The following ADAM33 variants were observed in gnomAD, a reference collection of about 807,000 sequenced individuals.
ADAM33 encodes the protein ADAM metallopeptidase domain 33.
ADAM33 carries 103 observed loss-of-function variants against 106.2 expected under a neutral mutation model. The ratio of observed to expected loss-of-function variants is 0.97; its 90% CI spans 0.83 to 1.14. The LOEUF is 1.14. Among genes scored for constraint, ADAM33 ranks in the 50% most tolerant of loss-of-function variants. The pLI is 0.00. For missense variants in ADAM33, 1,120 were observed against 1,096.6 expected (o/e 1.02, Z -0.30); for synonymous variants, 483 against 453.0 (o/e 1.07, Z -0.84).
Position 3,673,356 on chromosome 20 carries a change from G to C in ADAM33, c.1131C>G (p.Thr377=). The stretch of plus-strand genomic sequence containing the variant: ...GCCCCGACCCCCCACCCGCGTACCC[G>C]GTGGCCGCAGCCATGACGCAGCCTC... ...ESGGCVMAAA[T]GHPFPRVFSA... The change falls in exon 11 of 22, where the codon ACC becomes ACG. Residue 377 remains threonine, a splice_region_variant and synonymous_variant. Coordinates refer to ENST00000356518, the MANE Select transcript of ADAM33 (RefSeq NM_025220.5). The C allele has an allele frequency of 6.5e-7, 1 of 1,538,710 alleles. No individual in the cohort carries two copies. The highest frequency in any genetic ancestry group is 8.7e-7 in the Non-Finnish European group (1 of 1,148,720).
chr20:3,680,950 C>T (rs548109613), intron 1 of ADAM33, among the ~76,000 whole-genome samples: 44 of 152,230 alleles, frequency 2.9e-4, no homozygotes, highest in South Asian at 1.7e-3. Context: ...GGCACATAGA[C>T]GCCCCTCTCC....
chr20:3,668,881 G>A lies in ADAM33; in HGVS notation c.*82C>T. On this transcript the variant is annotated 3_prime_UTR_variant, in exon 22 of 22. Transcript: ENST00000356518. ...GTGCTGGAGGTCCGGTGATTCACTG[G>A]CTCTGCCCCTGCAGTTCAAGTTCCT... The A allele has an allele frequency of 6.6e-7, 1 of 1,510,556 alleles. No individual in the cohort carries two copies. The highest frequency in any genetic ancestry group is 9.2e-7 in the Non-Finnish European group (1 of 1,088,130). 93.6% of individuals were successfully genotyped at this position (1,510,556 alleles called of 1,614,324 possible).
intron 3 of ADAM33, among the ~76,000 whole-genome samples, chr20:3,676,747 G>A (rs949696844): frequency 6.6e-6 from 1 of 152,118 alleles, no homozygotes; most frequent in Non-Finnish European, 1.5e-5. Flanking sequence ...TGGGGTGCCG[G>A]CTCATCTTTT....
intron 1 of ADAM33, 104 bp downstream of exon 1, chr20:3,681,804 G>GT: frequency 6.9e-7 from 1 of 1,442,672 alleles, no homozygotes; most frequent in Non-Finnish European, 9.1e-7. Context: ...TGCCGGGGCC[G>GT]TGAGACCCTC....
In ADAM33 at chr20:3,672,303, G is replaced by A; in HGVS notation, c.1428C>T (p.Arg476=). ...CLLKPAGALC[R]QAMGDCDLPE... ...GGAGGTCACAGTCACCCATGGCCTG[G>A]CGGCACAGCGCTCCAGCCGGCTTCA... Residue 476 remains arginine (R), a synonymous_variant, in exon 14 of 22, where the codon CGC becomes CGT. Coordinates refer to ENST00000356518, the MANE Select transcript of ADAM33 (RefSeq NM_025220.5). 2 of 1,613,026 alleles carry A rather than the reference G, an allele frequency of 1.2e-6. No individual in the cohort carries two copies. Among genetic ancestry groups the A allele is most frequent in the Admixed American group, 1.7e-5 (1 of 60,022 alleles).
intron 9 of ADAM33, 40 bp from the exon 10 acceptor site, chr20:3,673,698 G>A: frequency 2.2e-6 from 3 of 1,363,908 alleles, no homozygotes; most frequent in Non-Finnish European, 1.9e-6. Flanking sequence ...GGGCCGGGAG[G>A]TGAGGCCGCC....
At chr20:3,673,158 A>C in intron 11 of ADAM33, 196 bp downstream of exon 11, 1 of 1,493,028 alleles carries the variant, frequency 6.7e-7, no homozygotes. Flanking sequence ...TACTCGGAAA[A>C]TAATCTTCAT....
At chr20:3,676,541 C>T (rs73608189) in intron 3 of ADAM33, among the ~76,000 whole-genome samples, 3,999 of 151,612 alleles carry the variant, frequency 0.026, 68 homozygotes, top group East Asian at 0.064. Context: ...GGGGTTCAAG[C>T]GATTCTCCCG....
At chr20:3,678,995 C>A (rs1358067027) in intron 2 of ADAM33, among the ~76,000 whole-genome samples, 1 of 152,048 alleles carries the variant, frequency 6.6e-6, no homozygotes, top group Non-Finnish European at 1.5e-5. Flanking sequence ...GACCACTGCC[C>A]CCCCGATACC....
rs761019482 is a variant in ADAM33 at position 3,671,448 on chromosome 20, G to A, written c.1954C>T (p.Arg652Cys). The A allele has an allele frequency of 4.3e-6, 7 of 1,612,394 alleles. No individual in the cohort carries two copies. The highest frequency in any genetic ancestry group is 5.1e-6 in the Non-Finnish European group (6 of 1,179,272). Residue 652 changes from arginine to cysteine, a missense_variant, in exon 17 of 22, where the codon CGC becomes TGC. Coordinates refer to ENST00000356518, the MANE Select transcript of ADAM33 (RefSeq NM_025220.5). ...CRKNAFQELQ[R>C]CLTACHSHGV... The stretch of plus-strand genomic sequence containing the variant: ...TGGCTGTGGCAGGCAGTCAGGCAGC[G>A]CTGAAGCTCCTGGAAGGCATTCTTC...
rs531148852 is a variant in ADAM33, at chr20:3,669,270, G to A, written c.2404+29C>T. ...GGTGGGAGGGTGGGCGATGAGAGGG[G>A]GAGGCTTTGAATCCAGGTCCCTGCC... On this transcript the variant is annotated intron_variant, in intron 21 of 21. Coordinates refer to ENST00000356518, the MANE Select transcript of ADAM33 (RefSeq NM_025220.5). 122 of 1,558,036 alleles carry A rather than the reference G, an allele frequency of 7.8e-5. No individual in the cohort carries two copies. The South Asian group carries it at 1.3e-3, about 17-fold the overall frequency.
intron 19 of ADAM33, chr20:3,670,190 T>C (rs923802009): frequency 3.9e-5 from 7 of 181,700 alleles, no homozygotes; most frequent in Non-Finnish European, 8.1e-5. Flanking sequence ...ACCTTGCTCC[T>C]CTGCCCACAG....
At chr20:3,676,210 C>T (rs2087940845) in intron 3 of ADAM33, among the ~76,000 whole-genome samples, 2 of 148,650 alleles carry the variant, frequency 1.3e-5, no homozygotes, top group Admixed American at 6.6e-5. Flanking sequence ...CACAGGTCTG[C>T]CTGTCCCTTC....
In ADAM33 at chr20:3,672,340, G is replaced by A. The variant is rs1568802007; in HGVS notation, c.1402-11C>T. On this transcript the variant is annotated splice_polypyrimidine_tract_variant and intron_variant, in intron 13 of 21. Transcript: ENST00000356518. Reference sequence around the variant, plus strand: ...TCCAGCCGGCTTCAGCTGCGCAGGTGACGGGTGGTGGGGAAGGCAGAGAGA... The same window carrying A: ...TCCAGCCGGCTTCAGCTGCGCAGGTAACGGGTGGTGGGGAAGGCAGAGAGA... 6.2e-7 allele frequency: 1 copy of A among 1,611,152 alleles called. No individual in the cohort carries two copies. The highest frequency in any genetic ancestry group is 8.5e-7 in the Non-Finnish European group (1 of 1,178,714).
chr20:3,675,215 C>T lies in ADAM33; in HGVS notation c.255-110G>A. 2.5e-6 allele frequency: 2 copies of T among 786,828 alleles called. No individual in the cohort carries two copies. The highest frequency in any genetic ancestry group is 2.6e-5 in the East Asian group (1 of 38,868). The allele number at this position is 786,828 out of a possible 1,614,324, so 48.7% of individuals were successfully genotyped here. ...TAATGGAGCAGCTTTATGAGTGAGACACTCACAGTGTGTCTTAGGGAAGGG... is the reference window on the plus strand; with the variant it reads ...TAATGGAGCAGCTTTATGAGTGAGATACTCACAGTGTGTCTTAGGGAAGGG... On this transcript the variant is annotated intron_variant, in intron 3 of 21. Coordinates refer to ENST00000356518, the MANE Select transcript of ADAM33 (RefSeq NM_025220.5). The surrounding 1 kb of genome is among the most constrained non-coding windows in gnomAD (Gnocchi z 4.1).
Position 3,675,936 on chromosome 20 carries a change from CA to C in ADAM33, c.255-832del, listed in dbSNP as rs1343988594. On this transcript the variant is annotated intron_variant, in intron 3 of 21. Transcript: ENST00000356518. This position sits in a 1 kb window ranked among gnomAD's most constrained non-coding sequence, Gnocchi z 4.1. ...CTACCCCTGCCCCACACACACCCGC[CA>C]CCCTAGGAGGTAGGTGATGTGACCA... 7.9e-5 allele frequency among the ~76,000 whole-genome samples: 12 copies of C among 152,078 alleles called. No homozygotes were observed. The highest frequency in any genetic ancestry group is 5.8e-4 in the East Asian group (3 of 5,178).
chr20:3,669,526 C>T lies in ADAM33; in HGVS notation c.2332+20G>A, dbSNP rs373508804. On this transcript the variant is annotated intron_variant, in intron 20 of 21. Coordinates refer to ENST00000356518, the MANE Select transcript of ADAM33 (RefSeq NM_025220.5). ...TCCCTTCTCCCTTCCCTCTCCACCT[C>T]CCCCTGGTGCCTCACTCACCCAGGG... is the stretch of plus-strand genomic sequence containing the variant. 95 of 1,562,852 alleles carry T rather than the reference C, an allele frequency of 6.1e-5. No homozygotes were observed. The highest frequency in any genetic ancestry group is 7.9e-5 in the Non-Finnish European group (91 of 1,152,438).
intron 11 of ADAM33, 115 bp downstream of exon 11, chr20:3,673,239 T>G (rs73608188): frequency 0.039 from 60,298 of 1,533,814 alleles, 1,464 homozygotes; most frequent in East Asian, 0.12. Flanking sequence ...GCGGACACTA[T>G]GATCATTATC....
Position 3,669,000 on chromosome 20 carries a change from G to T in ADAM33, c.2405C>A (p.Ala802Glu), listed in dbSNP as rs1187394116. ...PLPAVSPDPQ[A>E]DQVQMPRSCL... ...GGATCTTGGCATCTGGACTTGATCT[G>T]CTGAGAATGAGGAGGATATGTTGTC... Residue 802 changes from alanine to glutamate, a missense_variant and splice_region_variant, in exon 22 of 22, where the codon GCA (alanine) becomes GAA (glutamate). Ala to Glu is a moderately radical substitution (Grantham distance 107, BLOSUM62 -1). Transcript: ENST00000356518. 6.2e-7 allele frequency: 1 copy of T among 1,613,810 alleles called. No homozygotes were observed. The highest frequency in any genetic ancestry group is 8.5e-7 in the Non-Finnish European group (1 of 1,179,928).
Sources: gnomAD v4.1 joint callset for allele counts (sites outside exome capture counted in the v4.1 genomes callset) on GRCh38, gnomAD v4.1.1 for gene constraint, Gnocchi (gnomAD v3.1) non-coding constraint, MANE v1.5 for transcripts, NCBI Gene and HGNC (gene_info 2026-07-23, HGNC 2026-07-21) for gene names.